MYO9A: variants seen among roughly 807,000 people sequenced by gnomAD.
MYO9A encodes unconventional myosin-IXa.
Under a neutral mutation model 293.3 loss-of-function variants are expected in MYO9A, and 103 were observed. That is an observed-to-expected ratio of 0.35 (90% CI 0.30 to 0.41). The LOEUF is 0.41. MYO9A is among the 10% of genes least tolerant of loss of function. MYO9A has a pLI of 1.00. For synonymous variants in MYO9A, 1,001 were observed against 1,035.7 expected (o/e 0.97, Z 0.64); for missense variants, 2,685 against 3,033.0 (o/e 0.89, Z 2.69).
At chr15:71,889,444 CTTT>C (rs34913367) in intron 26 of MYO9A, 4 of 87,670 alleles carry the variant, frequency 4.6e-5, no homozygotes, top group East Asian at 4.1e-4. Context: ...TCTAACAAAC[CTTT>C]TTTTTTTTTT....
intron 26 of MYO9A, chr15:71,888,501 T>C (rs2057084512): frequency 6.5e-6 from 1 of 154,004 alleles, no homozygotes; most frequent in Non-Finnish European, 1.4e-5. Flanking sequence ...ATTACTTTCA[T>C]GGCTTAACTT....
intron 34 of MYO9A, among the ~76,000 whole-genome samples, chr15:71,854,934 T>C (rs1036603205): frequency 6.6e-6 from 1 of 152,152 alleles, no homozygotes; most frequent in Non-Finnish European, 1.5e-5. Flanking sequence ...AATCTACTAA[T>C]TTGATAAGAA....
chr15:72,064,533 G>A (rs909668545), intron 1 of MYO9A, among the ~76,000 whole-genome samples: 5 of 152,184 alleles, frequency 3.3e-5, no homozygotes, highest in Admixed American at 2.6e-4. Flanking sequence ...ACTCTCTGGA[G>A]TTAACGGAAA....
chr15:72,006,268 G>A (rs1401851095), intron 8 of MYO9A, among the ~76,000 whole-genome samples: 1 of 151,726 alleles, frequency 6.6e-6, no homozygotes, highest in African/African-American at 2.4e-5. Context: ...TGTTGTTGTT[G>A]TTGTTGTTTT....
intron 15 of MYO9A, among the ~76,000 whole-genome samples, chr15:71,942,611 G>A (rs1172890125): frequency 1.3e-5 from 2 of 151,730 alleles, no homozygotes; most frequent in Non-Finnish European, 2.9e-5. Flanking sequence ...TCCACAAATT[G>A]TATACTTTCT....
intron 9 of MYO9A, among the ~76,000 whole-genome samples, chr15:71,997,170 T>C (rs1324082838): frequency 6.6e-6 from 1 of 151,662 alleles, no homozygotes; most frequent in African/African-American, 2.4e-5. Flanking sequence ...CAAATTAAGA[T>C]TTTTTTTTCT....
At chr15:71,870,470 A>T (rs1482581881) in intron 32 of MYO9A, among the ~76,000 whole-genome samples, 1 of 152,226 alleles carries the variant, frequency 6.6e-6, no homozygotes, top group Non-Finnish European at 1.5e-5. Context: ...GTACATATAT[A>T]TTTGATAAAA....
intron 9 of MYO9A, among the ~76,000 whole-genome samples, chr15:71,995,344 G>C (rs967210822): frequency 6.6e-6 from 1 of 152,124 alleles, no homozygotes; most frequent in Non-Finnish European, 1.5e-5. Context: ...TACATTGGTA[G>C]TTGTCTTCGG....
chr15:72,077,372 T>C (rs1281961718), intron 1 of MYO9A, among the ~76,000 whole-genome samples: 2 of 152,042 alleles, frequency 1.3e-5, no homozygotes, highest in Non-Finnish European at 2.9e-5. Flanking sequence ...AAAACACATA[T>C]ATGATAAAGG....
Position 71,830,097 on chromosome 15 carries a change from C to T in MYO9A, c.7040+12G>A, listed in dbSNP as rs1021602993. On this transcript the variant is annotated intron_variant, in intron 40 of 41. Coordinates refer to ENST00000356056, the MANE Select transcript of MYO9A (RefSeq NM_006901.4). ...ACTATAACTGTCTCTCCCCTTCCTC[C>T]TGGATACTCACTTCTCCTTCTGTAG... The T allele has an allele frequency of 1.9e-6, 3 of 1,612,870 alleles. No homozygotes were observed. The African/African-American group carries it at 4.0e-5, about 22-fold the overall frequency.
intron 7 of MYO9A, among the ~76,000 whole-genome samples, chr15:72,008,259 A>G (rs545949787): frequency 1.8e-4 from 27 of 152,274 alleles, no homozygotes; most frequent in Admixed American, 7.9e-4. Context: ...TCTAAATGCT[A>G]TTTATCCTGC....
chr15:72,106,540 A>G (rs2080575203), intron 1 of MYO9A, among the ~76,000 whole-genome samples: 1 of 152,182 alleles, frequency 6.6e-6, no homozygotes, highest in Non-Finnish European at 1.5e-5. Flanking sequence ...CTTTTTTTAT[A>G]TGGTTTCTCT....
At chr15:71,831,188 A>T (rs545686174) in intron 39 of MYO9A, among the ~76,000 whole-genome samples, 40 of 152,306 alleles carry the variant, frequency 2.6e-4, no homozygotes, top group African/African-American at 9.6e-4. Context: ...CTGTGACTCT[A>T]AACAGAGCTT....
intron 40 of MYO9A, among the ~76,000 whole-genome samples, chr15:71,829,005 C>T (rs1474095948): frequency 6.6e-6 from 1 of 152,186 alleles, no homozygotes; most frequent in Non-Finnish European, 1.5e-5. Context: ...ATTTCAAGAA[C>T]AGTATCACCA....
rs563763681 is a variant in MYO9A at position 71,925,004 on chromosome 15, T to C, written c.2563-8512A>G. On this transcript the variant is annotated intron_variant, in intron 18 of 41. Transcript: ENST00000356056. ...GTTTTGTAAATGTCTGTTAGGTTCA[T>C]ATATCTTGAGTGCAGTTTAACTCTA... Among the ~76,000 whole-genome samples, 83 of 152,212 alleles carry C rather than the reference T, an allele frequency of 5.5e-4. 3 individuals carry two copies. In the South Asian group the frequency reaches 0.017, roughly 30 times the overall value.
intron 2 of MYO9A, chr15:72,041,490 T>C (rs561259563): frequency 1.2e-4 from 43 of 350,114 alleles, no homozygotes; most frequent in African/African-American, 9.1e-4. Flanking sequence ...AAGGTGAACC[T>C]TGGCATGACC....
intron 38 of MYO9A, 77 bp from the exon 39 acceptor site, chr15:71,849,045 G>A (rs2055516081): frequency 7.3e-7 from 1 of 1,361,280 alleles, no homozygotes; most frequent in Non-Finnish European, 9.7e-7. Context: ...CTGTTTTTGT[G>A]GTAGACAGTT....
chr15:72,093,167 C>G (rs966033946), intron 1 of MYO9A, among the ~76,000 whole-genome samples: 1 of 152,092 alleles, frequency 6.6e-6, no homozygotes, highest in African/African-American at 2.4e-5. Flanking sequence ...TAACTGCTTT[C>G]TAAAGTTTAA....
intron 1 of MYO9A, among the ~76,000 whole-genome samples, chr15:72,088,083 CA>C (rs1209706029): frequency 6.6e-6 from 1 of 151,926 alleles, no homozygotes; most frequent in Non-Finnish European, 1.5e-5. Flanking sequence ...ACCAGCAAGC[CA>C]AAAAAAGAGG....
Sources: allele counts gnomAD v4.1 joint callset (sites outside exome capture counted in the v4.1 genomes callset), GRCh38; gene constraint gnomAD v4.1.1; transcripts MANE v1.5; gene names NCBI Gene and HGNC (gene_info 2026-07-23, HGNC 2026-07-21).